Variants in SH3BGRL2 observed in about 807,000 individuals in gnomAD.
SH3BGRL2 encodes SH3 domain binding glutamate rich protein like 2.
Under a neutral mutation model 14.8 loss-of-function variants are expected in SH3BGRL2, and 21 were observed. The ratio of observed to expected loss-of-function variants is 1.42; its 90% CI spans 1.01 to 2.05. The LOEUF is 2.05. Among genes scored for constraint, SH3BGRL2 ranks in the 30% most tolerant of loss-of-function variants. SH3BGRL2 has a pLI of 0.00. For missense variants in SH3BGRL2, 147 were observed against 130.8 expected (o/e 1.12, Z -0.61); for synonymous variants, 50 against 47.8 (o/e 1.05, Z -0.19).
At chr6:79,553,793 G>C in the SH3BGRL2 span, among the ~76,000 whole-genome samples, 2 of 152,054 alleles carry the variant, frequency 1.3e-5, no homozygotes, top group Non-Finnish European at 2.9e-5. Flanking sequence ...CCAACATGGT[G>C]AAACCCCGTC....
chr6:79,554,498 G>A, the SH3BGRL2 span, among the ~76,000 whole-genome samples: 1 of 152,164 alleles, frequency 6.6e-6, no homozygotes, highest in African/African-American at 2.4e-5. Flanking sequence ...TTATTGAGGA[G>A]TCTGCAATAG....
At chr6:79,645,090 A>T (rs1053283454) in intron 1 of SH3BGRL2, among the ~76,000 whole-genome samples, 1 of 148,134 alleles carries the variant, frequency 6.8e-6, no homozygotes, top group African/African-American at 2.5e-5. Context: ...AACCCAGGAG[A>T]TGGAGTAGGT....
At chr6:79,677,850 T>A (rs749538300) in intron 2 of SH3BGRL2, among the ~76,000 whole-genome samples, 1 of 152,184 alleles carries the variant, frequency 6.6e-6, no homozygotes, top group Non-Finnish European at 1.5e-5. Context: ...TCTCTGAGAA[T>A]GTGGGTGATG....
At chr6:79,600,545 G>T in the SH3BGRL2 span, among the ~76,000 whole-genome samples, 1 of 152,154 alleles carries the variant, frequency 6.6e-6, no homozygotes, top group Non-Finnish European at 1.5e-5. Context: ...AGGCAGATCA[G>T]TCTCCATTTG....
Position 79,635,830 on chromosome 6 carries a change from A to G in SH3BGRL2, c.45+4324A>G, listed in dbSNP as rs557194444. ...GCTCAGAGTTGTCTTGCTGTTTGCAACTGTAAAAAGTGCATACCTACTGCT... is the reference window on the plus strand; with the variant it reads ...GCTCAGAGTTGTCTTGCTGTTTGCAGCTGTAAAAAGTGCATACCTACTGCT... On this transcript the variant is annotated intron_variant, in intron 1 of 3. Transcript: ENST00000369838. 2.6e-5 allele frequency among the ~76,000 whole-genome samples: 4 copies of G among 152,324 alleles called. No homozygotes were observed. In the East Asian group the frequency reaches 7.7e-4, roughly 29 times the overall value.
intron 2 of SH3BGRL2, among the ~76,000 whole-genome samples, chr6:79,692,985 A>G (rs931476092): frequency 2.6e-5 from 4 of 152,272 alleles, no homozygotes; most frequent in South Asian, 2.1e-4. Flanking sequence ...CTTCCTACCC[A>G]TGAGCATGGA....
chr6:79,582,814 A>G, the SH3BGRL2 span, among the ~76,000 whole-genome samples: 4 of 152,366 alleles, frequency 2.6e-5, no homozygotes, highest in African/African-American at 9.6e-5. Context: ...GAACTTCTGC[A>G]CGGCAAAAGA....
At chr6:79,569,515 A>C in the SH3BGRL2 span, among the ~76,000 whole-genome samples, 1 of 152,132 alleles carries the variant, frequency 6.6e-6, no homozygotes, top group Non-Finnish European at 1.5e-5. Flanking sequence ...AGGGCCTGCT[A>C]TCGGTTATGT....
rs1309302576 is a variant in SH3BGRL2, at chr6:79,693,840, G to A, written c.232-2645G>A. On this transcript the variant is annotated intron_variant, in intron 2 of 3. Transcript: ENST00000369838. Reference sequence around the variant, plus strand: ...GAAATAGTGAGATTAGACAAAGGTTGATAAGTTGGGGTGCTGTTGCAGAAG... The same window carrying A: ...GAAATAGTGAGATTAGACAAAGGTTAATAAGTTGGGGTGCTGTTGCAGAAG... Among the ~76,000 whole-genome samples, 6 of 152,304 alleles carry A rather than the reference G, an allele frequency of 3.9e-5. No homozygotes were observed. The East Asian group carries it at 1.2e-3, about 29-fold the overall frequency.
chr6:79,609,015 T>C, the SH3BGRL2 span, among the ~76,000 whole-genome samples: 5 of 152,178 alleles, frequency 3.3e-5, no homozygotes, highest in Admixed American at 1.3e-4. Flanking sequence ...TAGCACTCTA[T>C]GGTCTTAACA....
the SH3BGRL2 span, among the ~76,000 whole-genome samples, chr6:79,562,990 C>G: frequency 3.9e-5 from 6 of 152,176 alleles, no homozygotes; most frequent in Non-Finnish European, 4.4e-5. Flanking sequence ...GAGTCTCGCT[C>G]TGTCACCCAG....
the SH3BGRL2 span, among the ~76,000 whole-genome samples, chr6:79,599,701 C>A: frequency 6.6e-6 from 1 of 152,090 alleles, no homozygotes; most frequent in African/African-American, 2.4e-5. Context: ...TTGGCTAGGA[C>A]GGGGCAGACA....
chr6:79,609,883 G>A, the SH3BGRL2 span, among the ~76,000 whole-genome samples: 1 of 152,120 alleles, frequency 6.6e-6, no homozygotes, highest in Non-Finnish European at 1.5e-5. Context: ...AAAGAAGGCA[G>A]GCCATTCAAA....
intron 1 of SH3BGRL2, among the ~76,000 whole-genome samples, chr6:79,656,478 T>C (rs781261532): frequency 1.6e-4 from 24 of 152,230 alleles, no homozygotes; most frequent in Non-Finnish European, 2.5e-4. Flanking sequence ...GTATATACCA[T>C]GTGGAAAATA....
At chr6:79,544,020 C>T in the SH3BGRL2 span, among the ~76,000 whole-genome samples, 1 of 152,120 alleles carries the variant, frequency 6.6e-6, no homozygotes, top group Non-Finnish European at 1.5e-5. Context: ...TACCATCTTC[C>T]ATAAGTGGCC....
the SH3BGRL2 span, among the ~76,000 whole-genome samples, chr6:79,539,168 C>G: frequency 6.6e-6 from 1 of 151,840 alleles, no homozygotes; most frequent in African/African-American, 2.4e-5. Flanking sequence ...TGAAAAAAGA[C>G]CAAAAAATGT....
At chr6:79,676,639 G>GTA (rs370591320) in intron 2 of SH3BGRL2, among the ~76,000 whole-genome samples, 10 of 137,628 alleles carry the variant, frequency 7.3e-5, no homozygotes, top group South Asian at 4.7e-4. Flanking sequence ...GTGTGTGTGT[G>GTA]TATATATATA....
the SH3BGRL2 span, among the ~76,000 whole-genome samples, chr6:79,584,902 T>C: frequency 3.9e-5 from 6 of 152,190 alleles, no homozygotes; most frequent in Non-Finnish European, 8.8e-5. Context: ...CTCTTACAGA[T>C]AAACCCATAC....
intron 1 of SH3BGRL2, among the ~76,000 whole-genome samples, chr6:79,632,360 A>G (rs1768841899): frequency 6.6e-6 from 1 of 152,228 alleles, no homozygotes. Flanking sequence ...TAAGGGACAT[A>G]GCACATGTGT....
Sources: allele counts gnomAD v4.1 joint callset (sites outside exome capture counted in the v4.1 genomes callset), GRCh38; gene constraint gnomAD v4.1.1; transcripts MANE v1.5; gene names NCBI Gene and HGNC (gene_info 2026-07-23, HGNC 2026-07-21).